PARD3B: variants seen among roughly 807,000 people sequenced by gnomAD.
PARD3B encodes the protein par-3 family cell polarity regulator beta.
PARD3B carries 103 observed loss-of-function variants against 130.2 expected under a neutral mutation model. The ratio of observed to expected loss-of-function variants is 0.79; its 90% CI spans 0.67 to 0.93. The LOEUF (loss-of-function observed/expected upper bound fraction) is 0.93, where lower values mean the gene tolerates loss of function less well. Among genes scored for constraint, PARD3B ranks in the 40% least tolerant of loss-of-function variants. PARD3B has a pLI of 0.00. For synonymous variants in PARD3B, 583 were observed against 553.2 expected (o/e 1.05, Z -0.76); for missense variants, 1,609 against 1,499.2 (o/e 1.07, Z -1.21).
At chr2:204,731,523 A>G (rs915902839) in intron 2 of PARD3B, among the ~76,000 whole-genome samples, 3 of 152,354 alleles carry the variant, frequency 2.0e-5, no homozygotes, top group African/African-American at 7.2e-5. Flanking sequence ...TATGTAAAAC[A>G]GTCTAGACCC....
At chr2:204,746,622 C>T (rs1162645406) in intron 2 of PARD3B, among the ~76,000 whole-genome samples, 4 of 152,184 alleles carry the variant, frequency 2.6e-5, no homozygotes, top group Non-Finnish European at 2.9e-5. Flanking sequence ...TCCTATTTCT[C>T]CACATCCTCT....
chr2:205,341,239 C>A lies in PARD3B; in HGVS notation c.2630+39538C>A, dbSNP rs929988726. On this transcript the variant is annotated intron_variant, in intron 18 of 22. Coordinates refer to ENST00000406610, the MANE Select transcript of PARD3B (RefSeq NM_001302769.2). The surrounding 1 kb of genome is among the most constrained non-coding windows in gnomAD (Gnocchi z 4.3). Reference sequence around the variant, plus strand: ...GCCATGCAATCCAACAATCCCACTACTGGGTATTTTTAAAGGAAAGGAGTC... The same window carrying A: ...GCCATGCAATCCAACAATCCCACTAATGGGTATTTTTAAAGGAAAGGAGTC... 6.6e-6 allele frequency among the ~76,000 whole-genome samples: 1 copy of A among 152,006 alleles called. No individual in the cohort carries two copies. The highest frequency in any genetic ancestry group is 2.4e-5 in the African/African-American group (1 of 41,382).
At chr2:205,501,307 G>T (rs2050151988) in intron 21 of PARD3B, among the ~76,000 whole-genome samples, 1 of 152,192 alleles carries the variant, frequency 6.6e-6, no homozygotes, top group Middle Eastern at 3.2e-3. Flanking sequence ...GAGGCAGCCT[G>T]AGACTATGGA....
intron 18 of PARD3B, among the ~76,000 whole-genome samples, chr2:205,367,871 G>A (rs2044666923): frequency 1.3e-5 from 2 of 152,206 alleles, no homozygotes; most frequent in African/African-American, 4.8e-5. Flanking sequence ...TAAGTCTACT[G>A]ATCCTTTCCC....
chr2:204,847,063 G>A (rs2125597799), intron 2 of PARD3B, among the ~76,000 whole-genome samples: 1 of 152,136 alleles, frequency 6.6e-6, no homozygotes, highest in South Asian at 2.1e-4. Context: ...CACAGATTAA[G>A]GAATAGACTA....
chr2:205,377,606 C>T (rs944207755), intron 18 of PARD3B, among the ~76,000 whole-genome samples: 6 of 151,992 alleles, frequency 3.9e-5, no homozygotes, highest in Admixed American at 1.3e-4. Context: ...TAGAAGCCCA[C>T]AAGGGACTGG....
chr2:205,318,177 C>A (rs1465333171), intron 18 of PARD3B, among the ~76,000 whole-genome samples: 1 of 152,038 alleles, frequency 6.6e-6, no homozygotes, highest in Non-Finnish European at 1.5e-5. Flanking sequence ...TGTAATTTTC[C>A]ACTTTAAATT....
chr2:204,716,533 A>G (rs540025602), intron 2 of PARD3B, among the ~76,000 whole-genome samples: 4 of 151,944 alleles, frequency 2.6e-5, no homozygotes, highest in East Asian at 3.9e-4. Flanking sequence ...TGGGGAAGAC[A>G]GTGGAAATGG....
intron 2 of PARD3B, among the ~76,000 whole-genome samples, chr2:204,722,305 A>G (rs551445015): frequency 6.6e-6 from 1 of 152,302 alleles, no homozygotes; most frequent in Admixed American, 6.5e-5. Context: ...TTGACTTTCT[A>G]ATGGCATAAC....
chr2:205,178,579 T>TA (rs2035617135), intron 13 of PARD3B, among the ~76,000 whole-genome samples: 1 of 152,252 alleles, frequency 6.6e-6, no homozygotes, highest in South Asian at 2.1e-4. Context: ...GTCTTCTTTC[T>TA]ACCTTATGAT....
At chr2:204,611,810 G>C (rs1173382907) in intron 1 of PARD3B, among the ~76,000 whole-genome samples, 2 of 151,000 alleles carry the variant, frequency 1.3e-5, no homozygotes, top group Non-Finnish European at 2.9e-5. Flanking sequence ...GTTGTGTAGG[G>C]TATAGGAACA....
intron 2 of PARD3B, among the ~76,000 whole-genome samples, chr2:204,756,803 C>A (rs1385695607): frequency 6.6e-6 from 1 of 152,130 alleles, no homozygotes; most frequent in Non-Finnish European, 1.5e-5. Flanking sequence ...GGTTCCTGTG[C>A]AGGTTTGCTG....
intron 4 of PARD3B, among the ~76,000 whole-genome samples, chr2:205,070,508 T>A (rs1700658017): frequency 6.6e-6 from 1 of 152,132 alleles, no homozygotes; most frequent in South Asian, 2.1e-4. Flanking sequence ...TGTAAAGTTG[T>A]TTGAATTGTT....
chr2:205,126,740 G>A (rs1251389488), intron 10 of PARD3B, among the ~76,000 whole-genome samples: 4 of 97,346 alleles, frequency 4.1e-5, no homozygotes, highest in Admixed American at 1.7e-4. Context: ...GCGACAGAGC[G>A]AGACTCCGTC....
intron 2 of PARD3B, among the ~76,000 whole-genome samples, chr2:204,786,333 C>G (rs554697005): frequency 6.6e-6 from 1 of 151,962 alleles, no homozygotes; most frequent in Non-Finnish European, 1.5e-5. Context: ...CCTGGAGTTT[C>G]TTTATTTTGA....
intron 16 of PARD3B, among the ~76,000 whole-genome samples, chr2:205,294,552 C>A (rs1161725594): frequency 1.3e-5 from 2 of 152,112 alleles, no homozygotes; most frequent in African/African-American, 4.8e-5. Context: ...GGGCCATGCT[C>A]ATACTCATAA....
chr2:204,567,351 C>T (rs1214925467), intron 1 of PARD3B, among the ~76,000 whole-genome samples: 1 of 152,182 alleles, frequency 6.6e-6, no homozygotes, highest in Non-Finnish European at 1.5e-5. Context: ...AAACTCCATA[C>T]CCATTAAATA....
chr2:204,716,901 C>T (rs1027072578), intron 2 of PARD3B, among the ~76,000 whole-genome samples: 9 of 152,232 alleles, frequency 5.9e-5, no homozygotes, highest in South Asian at 4.2e-4. Context: ...GGATTACAGG[C>T]GTGAGCCACC....
intron 19 of PARD3B, among the ~76,000 whole-genome samples, chr2:205,410,777 C>T (rs1275276822): frequency 6.6e-6 from 1 of 152,100 alleles, no homozygotes; most frequent in East Asian, 1.9e-4. Flanking sequence ...TTTGTTATAT[C>T]CTGCTTTGGG....
Sources: gnomAD v4.1 joint callset for allele counts (sites outside exome capture counted in the v4.1 genomes callset) on GRCh38, gnomAD v4.1.1 for gene constraint, Gnocchi (gnomAD v3.1) non-coding constraint, MANE v1.5 for transcripts, NCBI Gene and HGNC (gene_info 2026-07-23, HGNC 2026-07-21) for gene names.